Variants in GRIN2A observed in about 807,000 individuals in gnomAD.
GRIN2A encodes the protein glutamate ionotropic receptor NMDA type subunit 2A, also known as glutamate receptor ionotropic, NMDA 2A.
Under a neutral mutation model 113.4 loss-of-function variants are expected in GRIN2A, and 22 were observed. The ratio of observed to expected loss-of-function variants is 0.19; its 90% CI spans 0.14 to 0.28. GRIN2A has a LOEUF of 0.28. Among genes scored for constraint, GRIN2A ranks in the 10% least tolerant of loss-of-function variants. The probability of loss-of-function intolerance (pLI) is 1.00; values close to 1 mark genes in which losing one functional copy is unlikely to be tolerated. For missense variants in GRIN2A, 1,502 were observed against 1,887.0 expected, an observed-to-expected ratio of 0.80 and a Z score of 3.78; for synonymous variants, 827 against 738.4, an observed-to-expected ratio of 1.12 and a Z score of -1.94.
intron 2 of GRIN2A, among the ~76,000 whole-genome samples, chr16:10,021,253 G>A (rs1025712833): frequency 1.3e-5 from 2 of 152,174 alleles, no homozygotes; most frequent in Non-Finnish European, 2.9e-5. Flanking sequence ...GGTCAATGAC[G>A]GCTCTATTCA....
At chr16:10,003,493 G>A (rs974941863) in intron 2 of GRIN2A, among the ~76,000 whole-genome samples, 1 of 152,154 alleles carries the variant, frequency 6.6e-6, no homozygotes, top group African/African-American at 2.4e-5. Flanking sequence ...GATGACCATG[G>A]TATTGTTTGC....
At chr16:9,850,216 T>C (rs1022014057) in intron 4 of GRIN2A, among the ~76,000 whole-genome samples, 4 of 152,194 alleles carry the variant, frequency 2.6e-5, no homozygotes, top group African/African-American at 9.7e-5. Context: ...CAGGCACTGA[T>C]ACCTTTACAG....
chr16:9,960,769 T>C (rs1286131181), intron 2 of GRIN2A, among the ~76,000 whole-genome samples: 1 of 152,104 alleles, frequency 6.6e-6, no homozygotes, highest in East Asian at 1.9e-4. Flanking sequence ...GGACTACAGG[T>C]GTGTTCCACC....
chr16:10,067,269 T>C (rs920756306), intron 2 of GRIN2A, among the ~76,000 whole-genome samples: 1 of 152,150 alleles, frequency 6.6e-6, no homozygotes, highest in Admixed American at 6.5e-5. Flanking sequence ...TAAATCCACA[T>C]AAAATACCCA....
intron 2 of GRIN2A, among the ~76,000 whole-genome samples, chr16:9,997,547 C>T (rs2046247660): frequency 6.6e-6 from 1 of 152,174 alleles, no homozygotes; most frequent in Non-Finnish European, 1.5e-5. Context: ...CTCTTGACTG[C>T]CATCCCTAAT....
chr16:10,112,897 G>A (rs1216802350), intron 2 of GRIN2A: 5 of 461,768 alleles, frequency 1.1e-5, no homozygotes, highest in Non-Finnish European at 2.1e-5. Context: ...TAGCAGTGGA[G>A]GATGAGGTGG....
At chr16:10,013,919 A>G (rs1355166562) in intron 2 of GRIN2A, among the ~76,000 whole-genome samples, 2 of 152,174 alleles carry the variant, frequency 1.3e-5, no homozygotes, top group African/African-American at 4.8e-5. Flanking sequence ...CTCAAGCGTC[A>G]CTTCCTCAAC....
rs1481983874 is a variant in GRIN2A at position 9,986,904 on chromosome 16, C to T, written c.415-48353G>A. On this transcript the variant is annotated intron_variant, in intron 2 of 12. Transcript: ENST00000330684. The stretch of plus-strand genomic sequence containing the variant: ...TTCTGTCCTCCAATTGTGTAGAGTG[C>T]TAGTAATTCAATAACTTAGCATCAA... Among the ~76,000 whole-genome samples the T allele has an allele frequency of 2.6e-5, 4 of 151,902 alleles. No individual in the cohort carries two copies. In the East Asian group the frequency reaches 5.8e-4, roughly 22 times the overall value.
At chr16:10,172,279 T>G (rs1323722645) in intron 2 of GRIN2A, among the ~76,000 whole-genome samples, 1 of 152,172 alleles carries the variant, frequency 6.6e-6, no homozygotes, top group Non-Finnish European at 1.5e-5. Flanking sequence ...CCAACTCAAG[T>G]TGATTCATCA....
intron 2 of GRIN2A, among the ~76,000 whole-genome samples, chr16:10,092,303 G>A (rs190698449): frequency 3.2e-4 from 49 of 152,278 alleles, no homozygotes; most frequent in Non-Finnish European, 5.7e-4. Flanking sequence ...TCTTCTTACA[G>A]TCCAAGGAAA....
intron 2 of GRIN2A, among the ~76,000 whole-genome samples, chr16:10,087,845 C>A (rs867827253): frequency 2.9e-5 from 4 of 135,672 alleles, no homozygotes; most frequent in South Asian, 2.7e-4. Context: ...CACCACCATG[C>A]CCAGCTAATT....
chr16:9,779,787 C>G, intron 11 of GRIN2A, among the ~76,000 whole-genome samples: 1 of 152,184 alleles, frequency 6.6e-6, no homozygotes, highest in East Asian at 1.9e-4. Context: ...CCTCTGACCT[C>G]CTCTCCCTTT....
intron 2 of GRIN2A, among the ~76,000 whole-genome samples, chr16:10,144,391 G>A (rs975941810): frequency 6.6e-6 from 1 of 152,100 alleles, no homozygotes; most frequent in Non-Finnish European, 1.5e-5. Flanking sequence ...GTGGTTTTGT[G>A]TTGCATCTCC....
chr16:9,828,566 GGTGCTGCAATCTCAACACTTGCT>G, intron 9 of GRIN2A, among the ~76,000 whole-genome samples: 1 of 152,296 alleles, frequency 6.6e-6, no homozygotes, highest in Admixed American at 6.5e-5. Context: ...AAATCTTTGT[GGTGCTGCAATCTCAACACTTGCT>G]GAGCTTAGCA....
intron 2 of GRIN2A, among the ~76,000 whole-genome samples, chr16:9,999,883 A>T (rs2046291574): frequency 6.6e-6 from 1 of 152,190 alleles, no homozygotes; most frequent in African/African-American, 2.4e-5. Context: ...ATTATTCTGC[A>T]ATTCTGAGGT....
chr16:9,789,595 C>T (rs908196164), intron 11 of GRIN2A, among the ~76,000 whole-genome samples: 4 of 151,102 alleles, frequency 2.6e-5, no homozygotes, highest in Admixed American at 6.6e-5. Context: ...CACACAAACA[C>T]ATAAATAAAT....
At chr16:9,942,704 T>C (rs1047127709) in intron 2 of GRIN2A, among the ~76,000 whole-genome samples, 1 of 152,222 alleles carries the variant, frequency 6.6e-6, no homozygotes, top group African/African-American at 2.4e-5. Flanking sequence ...TCATTCATTC[T>C]GAGCCCAAGG....
chr16:10,085,510 T>G, intron 2 of GRIN2A, among the ~76,000 whole-genome samples: 1 of 152,186 alleles, frequency 6.6e-6, no homozygotes. Flanking sequence ...GCACTCAGTG[T>G]GCAGCCCCCG....
intron 2 of GRIN2A, among the ~76,000 whole-genome samples, chr16:10,013,506 T>C (rs2046548047): frequency 1.3e-5 from 2 of 152,218 alleles, no homozygotes; most frequent in South Asian, 4.1e-4. Context: ...GGACAGTAAC[T>C]AGTGGCTCTT....
Sources: allele counts gnomAD v4.1 joint callset (sites outside exome capture counted in the v4.1 genomes callset), GRCh38; gene constraint gnomAD v4.1.1; transcripts MANE v1.5; gene names NCBI Gene and HGNC (gene_info 2026-07-23, HGNC 2026-07-21).